The following ADAM12 variants were observed in gnomAD, a reference collection of about 807,000 sequenced individuals.
The protein encoded by ADAM12 is ADAM metallopeptidase domain 12.
Under a neutral mutation model 106.4 loss-of-function variants are expected in ADAM12, and 70 were observed. The ratio of observed to expected loss-of-function variants is 0.66; its 90% CI spans 0.54 to 0.80. The LOEUF (loss-of-function observed/expected upper bound fraction) is 0.80. Among genes scored for constraint, ADAM12 ranks in the 30% least tolerant of loss-of-function variants. The pLI is 0.00. For synonymous variants in ADAM12, 420 were observed against 433.5 expected, an observed-to-expected ratio of 0.97 and a Z score of 0.39; for missense variants, 1,010 against 1,171.9, an observed-to-expected ratio of 0.86 and a Z score of 2.02.
At chr10:126,238,916 G>T (rs1252485709) in intron 3 of ADAM12, among the ~76,000 whole-genome samples, 1 of 152,144 alleles carries the variant, frequency 6.6e-6, no homozygotes, top group East Asian at 1.9e-4. Context: ...TTATAAAGAG[G>T]ATTTGCTTCA....
At chr10:126,276,537 A>G (rs997685457) in intron 3 of ADAM12, among the ~76,000 whole-genome samples, 2 of 152,200 alleles carry the variant, frequency 1.3e-5, no homozygotes, top group Admixed American at 6.5e-5. Flanking sequence ...TTGCAAAAAA[A>G]TTGTTATACT....
At chr10:126,291,742 G>T (rs1277934366) in intron 2 of ADAM12, among the ~76,000 whole-genome samples, 1 of 152,156 alleles carries the variant, frequency 6.6e-6, no homozygotes. Context: ...GGGGGGTGAT[G>T]GATGCAGCTC....
intron 3 of ADAM12, among the ~76,000 whole-genome samples, chr10:126,224,542 G>A (rs1232666806): frequency 2.0e-5 from 3 of 152,174 alleles, no homozygotes; most frequent in East Asian, 3.9e-4. Flanking sequence ...CTCTTGGGGA[G>A]GGGCCTGGGG....
At chr10:126,302,994 G>T (rs1027930563) in intron 2 of ADAM12, among the ~76,000 whole-genome samples, 2 of 152,162 alleles carry the variant, frequency 1.3e-5, no homozygotes, top group Admixed American at 6.5e-5. Flanking sequence ...GGATAAAAAA[G>T]AACTCAAGAA....
chr10:126,240,658 G>A (rs1958504425), intron 3 of ADAM12, among the ~76,000 whole-genome samples: 1 of 152,232 alleles, frequency 6.6e-6, no homozygotes, highest in South Asian at 2.1e-4. Flanking sequence ...AGACTTCCAG[G>A]CAGAGAACAG....
chr10:126,127,909 A>C, intron 5 of ADAM12, among the ~76,000 whole-genome samples: 1 of 152,196 alleles, frequency 6.6e-6, no homozygotes, highest in East Asian at 1.9e-4. Context: ...GGGCAGCACC[A>C]CGCATGTGGC....
At chr10:126,282,773 T>C (rs1176524497) in intron 2 of ADAM12, among the ~76,000 whole-genome samples, 1 of 152,176 alleles carries the variant, frequency 6.6e-6, no homozygotes, top group African/African-American at 2.4e-5. Flanking sequence ...CTGTTATGCA[T>C]GTTCCTGTGT....
chr10:126,344,931 G>A (rs149567446), intron 1 of ADAM12, among the ~76,000 whole-genome samples: 10,218 of 152,204 alleles, frequency 0.067, 550 homozygotes, highest in East Asian at 0.23. Flanking sequence ...GGGCTGAGAC[G>A]ATGGGGTTTT....
In ADAM12 at chr10:126,049,179, C is replaced by A; in HGVS notation, c.1917+74G>T. 1 of 1,578,532 alleles carries A rather than the reference C, an allele frequency of 6.3e-7. No individual in the cohort carries two copies. The highest frequency in any genetic ancestry group is 1.1e-5 in the South Asian group (1 of 89,842). ...TAGGAAAACCAACAAACCTTGTAAC[C>A]CAGTTCTTGCTGTTTTTCAATGGGC... On this transcript the variant is annotated intron_variant, in intron 16 of 22. Coordinates refer to ENST00000448723, the MANE Select transcript of ADAM12 (RefSeq NM_001288973.2). This position sits in a 1 kb window ranked among gnomAD's most constrained non-coding sequence, Gnocchi z 4.4.
chr10:126,081,612 G>GAA (rs1206173718), intron 11 of ADAM12, among the ~76,000 whole-genome samples: 1 of 152,146 alleles, frequency 6.6e-6, no homozygotes, highest in Non-Finnish European at 1.5e-5. Context: ...ACTCAAGTCC[G>GAA]AAGCCTATGT....
intron 2 of ADAM12, among the ~76,000 whole-genome samples, chr10:126,321,602 C>A (rs1854096100): frequency 6.6e-6 from 1 of 151,952 alleles, no homozygotes; most frequent in African/African-American, 2.4e-5. Context: ...CAGGAAAGAC[C>A]CTGGCAGGGA....
At position 126,019,835 on chromosome 10, in the gene ADAM12, A is replaced by G. The variant is rs748432789; in HGVS notation, c.2530-10T>C. ...TTGGCTTACAGGTCCCCTGCAATAA[A>G]CATAGGGTTAGGCAGGGTCACTTAC... On this transcript the variant is annotated splice_polypyrimidine_tract_variant and intron_variant, in intron 21 of 22. Transcript: ENST00000448723. 1 of 1,610,724 alleles carries G rather than the reference A, an allele frequency of 6.2e-7. No homozygotes were observed.
intron 1 of ADAM12, among the ~76,000 whole-genome samples, chr10:126,358,244 T>C (rs569807840): frequency 6.6e-6 from 1 of 152,062 alleles, no homozygotes; most frequent in African/African-American, 2.4e-5. Context: ...CAAAAATCCT[T>C]ATCAAAAACC....
intron 2 of ADAM12, among the ~76,000 whole-genome samples, chr10:126,325,795 T>C (rs1854280875): frequency 6.6e-6 from 1 of 152,200 alleles, no homozygotes; most frequent in African/African-American, 2.4e-5. Context: ...AAACTTTCAG[T>C]GTCACCTTAC....
Position 126,095,533 on chromosome 10 carries a change from C to CAAA in ADAM12, c.997-1403_997-1401dup, listed in dbSNP as rs11396229. Among the ~76,000 whole-genome samples, 271 of 46,532 alleles carry CAAA rather than the reference C, an allele frequency of 5.8e-3. 30 individuals carry two copies. Among genetic ancestry groups the CAAA allele is most frequent in the African/African-American group, 0.027 (234 of 8,636 alleles). The allele number at this position is 46,532 out of a possible 152,430, so 30.5% of individuals were successfully genotyped here. ...TGGGTGACAGAGCGAGACTCTGTCT[C>CAAA]AAAAAAAAAAAAAAAAAAAAAAAAA... On this transcript the variant is annotated intron_variant, in intron 10 of 22. Transcript: ENST00000448723.
intron 3 of ADAM12, among the ~76,000 whole-genome samples, chr10:126,248,685 G>GTATGTATGTATTTATT (rs1291820531): frequency 3.4e-4 from 23 of 67,096 alleles, no homozygotes; most frequent in African/African-American, 1.2e-3. Context: ...ATGTATGTAT[G>GTATGTATGTATTTATT]TATTTATTTA....
At chr10:126,307,031 G>A (rs1411588645) in intron 2 of ADAM12, among the ~76,000 whole-genome samples, 1 of 152,064 alleles carries the variant, frequency 6.6e-6, no homozygotes, top group African/African-American at 2.4e-5. Context: ...TGTGGCTTCT[G>A]TGCTCTGTTC....
chr10:126,041,240 G>T, intron 18 of ADAM12: 1 of 749,814 alleles, frequency 1.3e-6, no homozygotes, highest in Non-Finnish European at 1.6e-6. Flanking sequence ...ACAAGTACTT[G>T]TTTAATGAGC....
chr10:126,232,329 C>T (rs1439362703), intron 3 of ADAM12, among the ~76,000 whole-genome samples: 1 of 152,082 alleles, frequency 6.6e-6, no homozygotes, highest in African/African-American at 2.4e-5. Flanking sequence ...CAGGCAGCTT[C>T]TAAAAGCTAA....
Sources: allele counts gnomAD v4.1 joint callset (sites outside exome capture counted in the v4.1 genomes callset), GRCh38; gene constraint gnomAD v4.1.1; non-coding constraint Gnocchi (gnomAD v3.1); transcripts MANE v1.5; gene names NCBI Gene and HGNC (gene_info 2026-07-23, HGNC 2026-07-21).